ZNF705A: variants seen among roughly 807,000 people sequenced by gnomAD.
The protein encoded by ZNF705A is zinc finger protein 705A.
In ZNF705A, 8 loss-of-function variants were observed where a neutral mutation model predicts 16.6. The ratio of observed to expected loss-of-function variants is 0.48; its 90% CI spans 0.28 to 0.87. ZNF705A has a LOEUF of 0.87. Among genes scored for constraint, ZNF705A ranks in the 40% least tolerant of loss-of-function variants. The probability of loss-of-function intolerance (pLI) is 0.10; values close to 1 mark genes in which losing one functional copy is unlikely to be tolerated. For synonymous variants in ZNF705A, 73 were observed against 117.3 expected, an observed-to-expected ratio of 0.62 and a Z score of 2.44; for missense variants, 233 against 359.9, an observed-to-expected ratio of 0.65 and a Z score of 2.85.
chr12:8,177,443 T>C (rs1468995747), exon 5 of ZNF705A: 7 of 1,611,996 alleles, frequency 4.3e-6, no homozygotes, highest in African/African-American at 1.3e-5. Context: ...TGGAAAAAAG[T>C]GTTATGAATG....
exon 5 of ZNF705A, chr12:8,177,296 G>A: frequency 1.2e-6 from 2 of 1,611,766 alleles, no homozygotes; most frequent in East Asian, 2.2e-5. Context: ...TCATCTATGT[G>A]GAAAAGCCTT....
chr12:8,159,738 G>A (rs867456856), intron 1 of ZNF705A, among the ~76,000 whole-genome samples: 1 of 152,054 alleles, frequency 6.6e-6, no homozygotes, highest in Non-Finnish European at 1.5e-5. Flanking sequence ...TCCTTTGTTG[G>A]ATGTATAGAT....
chr12:8,168,607 A>T (rs1323817972), upstream of ZNF705A, among the ~76,000 whole-genome samples: 6 of 152,334 alleles, frequency 3.9e-5, no homozygotes, highest in East Asian at 1.2e-3. Context: ...ATTAATTATA[A>T]TTAAATAACT....
chr12:8,176,041 G>T, intron 4 of ZNF705A, 99 bp downstream of exon 5: 2 of 1,563,400 alleles, frequency 1.3e-6, no homozygotes, highest in Non-Finnish European at 1.7e-6. Context: ...AATTAGGCTG[G>T]CATTAAGTGC....
upstream of ZNF705A, among the ~76,000 whole-genome samples, chr12:8,170,994 G>T (rs1591624228): frequency 6.6e-6 from 1 of 152,198 alleles, no homozygotes; most frequent in Admixed American, 6.5e-5. Flanking sequence ...TTGTCAAAAA[G>T]CAAGAAGAGG....
chr12:8,165,450 A>ATT (rs57581482), intron 1 of ZNF705A, among the ~76,000 whole-genome samples: 3,011 of 81,884 alleles, frequency 0.037, 103 homozygotes, highest in South Asian at 0.053. Flanking sequence ...GCCCAGCTAA[A>ATT]TTTTTTTTTT....
In ZNF705A at chr12:8,166,873, AG is replaced by A. The variant is rs761476783; in HGVS notation, c.-71-5678del. Among the ~76,000 whole-genome samples, 624 of 152,318 alleles carry A rather than the reference AG, an allele frequency of 4.1e-3. 2 individuals carry two copies. Among genetic ancestry groups the A allele is most frequent in the African/African-American group, 0.014 (597 of 41,582 alleles). On this transcript the variant is annotated intron_variant, in intron 1 of 5. Coordinates refer to the ZNF705A transcript ENST00000396570. ...TCCCTCCTAGGCCTCCAGGCCTTTG[AG>A]GGGAGGGGCTGCCACCAGCCAAGGT...
At chr12:8,163,680 A>G (rs1948375751) in intron 1 of ZNF705A, among the ~76,000 whole-genome samples, 1 of 152,200 alleles carries the variant, frequency 6.6e-6, no homozygotes, top group East Asian at 1.9e-4. Context: ...ACTTAAATCT[A>G]TAGTTCTACC....
At chr12:8,178,763 A>C (rs766324641) in exon 5 of ZNF705A, 1 of 152,372 alleles carries the variant, frequency 6.6e-6, no homozygotes, top group South Asian at 2.1e-4. Flanking sequence ...GTTGTTGAAA[A>C]AACTTAGTAT....
rs1948498246 is a variant in ZNF705A at position 8,177,756 on chromosome 12, G to A, written c.*173G>A. The A allele has an allele frequency of 7.3e-6, 8 of 1,092,230 alleles. No homozygotes were observed. In the South Asian group the frequency reaches 1.2e-4, roughly 16 times the overall value. 67.7% of individuals were successfully genotyped at this position (1,092,230 alleles called of 1,614,324 possible). Reference sequence around the variant, plus strand: ...TGACACTGTGTTAGGAATGACGAAGGTAAGGAATGTGGAAGAGACTTCAGC... The same window carrying A: ...TGACACTGTGTTAGGAATGACGAAGATAAGGAATGTGGAAGAGACTTCAGC... On this transcript the variant is annotated 3_prime_UTR_variant, in exon 5 of 5. Coordinates refer to ENST00000359286, the Ensembl canonical transcript of ZNF705A.
chr12:8,168,886 GGTAA>G (rs1948421341), upstream of ZNF705A: 1 of 151,902 alleles, frequency 6.6e-6, no homozygotes, highest in Non-Finnish European at 1.5e-5. Flanking sequence ...ACCTTATTGA[GGTAA>G]GTACTTAGAT....
upstream of ZNF705A, among the ~76,000 whole-genome samples, chr12:8,171,788 G>C (rs1948447610): frequency 6.6e-6 from 1 of 152,182 alleles, no homozygotes; most frequent in East Asian, 1.9e-4. Flanking sequence ...CCTCGCTGGA[G>C]TGCAGTGGTG....
chr12:8,168,673 T>A (rs1214091381), upstream of ZNF705A, among the ~76,000 whole-genome samples: 1 of 152,258 alleles, frequency 6.6e-6, no homozygotes, highest in African/African-American at 2.4e-5. Context: ...AGAAATTCTG[T>A]AACTACATAT....
At chr12:8,175,061 C>T (rs935964722) in intron 2 of ZNF705A, among the ~76,000 whole-genome samples, 167 bp from the exon 4 acceptor site, 13 of 152,136 alleles carry the variant, frequency 8.5e-5, no homozygotes, top group Non-Finnish European at 1.5e-4. Flanking sequence ...ATTTTCCAGT[C>T]TCATGTTGGG....
At chr12:8,168,463 C>T (rs1290578355), upstream of ZNF705A, among the ~76,000 whole-genome samples, 1 of 152,180 alleles carries the variant, frequency 6.6e-6, no homozygotes. Flanking sequence ...TTCTCATATT[C>T]TGTGTTCATT....
chr12:8,158,695 A>G (rs1471696276), intron 1 of ZNF705A, among the ~76,000 whole-genome samples: 1 of 152,116 alleles, frequency 6.6e-6, no homozygotes, highest in Non-Finnish European at 1.5e-5. Flanking sequence ...TTGTAAGTGT[A>G]TCTTTATAAA....
At chr12:8,164,835 C>T (rs1480140590) in intron 1 of ZNF705A, among the ~76,000 whole-genome samples, 1 of 152,040 alleles carries the variant, frequency 6.6e-6, no homozygotes, top group Non-Finnish European at 1.5e-5. Flanking sequence ...ATTTATATTC[C>T]TTTGGGTATA....
upstream of ZNF705A, among the ~76,000 whole-genome samples, chr12:8,169,951 A>G (rs754563347): frequency 6.6e-6 from 1 of 152,280 alleles, no homozygotes; most frequent in South Asian, 2.1e-4. Context: ...GAACTTTGAG[A>G]GGCGGAGGCT....
At position 8,165,974 on chromosome 12, in the gene ZNF705A, A is replaced by G. The variant is rs754993513; in HGVS notation, c.-71-6581A>G. Among the ~76,000 whole-genome samples, 108 of 152,338 alleles carry G rather than the reference A, an allele frequency of 7.1e-4. 3 individuals carry two copies. In the South Asian group the frequency reaches 0.022, roughly 30 times the overall value. On this transcript the variant is annotated intron_variant, in intron 1 of 5. Transcript: ENST00000396570. Reference sequence around the variant, plus strand: ...TATTGCAAATAATGCTATAATAAATATATGAGTGCACACATCTTTATGGTA... The same window carrying G: ...TATTGCAAATAATGCTATAATAAATGTATGAGTGCACACATCTTTATGGTA...
Sources: gnomAD v4.1 joint callset for allele counts (sites outside exome capture counted in the v4.1 genomes callset) on GRCh38, gnomAD v4.1.1 for gene constraint, MANE v1.5 for transcripts, NCBI Gene and HGNC (gene_info 2026-07-23, HGNC 2026-07-21) for gene names.